The following NRSN1 variants were observed in gnomAD, a reference collection of about 807,000 sequenced individuals.
The protein encoded by NRSN1 is neurensin-1.
In NRSN1, 14 loss-of-function variants were observed where a neutral mutation model predicts 17.3. That is an observed-to-expected ratio of 0.81 (90% CI 0.54 to 1.27). NRSN1 has a LOEUF of 1.27. NRSN1 is among the 50% of genes most tolerant of loss of function. NRSN1 has a pLI of 0.00. For missense variants in NRSN1, 209 were observed against 235.9 expected, an observed-to-expected ratio of 0.89 and a Z score of 0.75; for synonymous variants, 79 against 94.2, an observed-to-expected ratio of 0.84 and a Z score of 0.93.
At chr6:24,140,292 G>C (rs1760182837) in intron 3 of NRSN1, among the ~76,000 whole-genome samples, 1 of 152,260 alleles carries the variant, frequency 6.6e-6, no homozygotes, top group South Asian at 2.1e-4. Flanking sequence ...GAAGATGGAG[G>C]CAGTTGAATG....
intron 1 of NRSN1, among the ~76,000 whole-genome samples, chr6:24,127,405 G>A (rs1759965356): frequency 6.6e-6 from 1 of 152,128 alleles, no homozygotes; most frequent in African/African-American, 2.4e-5. Context: ...CAAACAAATG[G>A]GGACCTGTTC....
Position 24,145,598 on chromosome 6 carries a change from G to C in NRSN1, c.240G>C (p.Leu80=). The C allele has an allele frequency of 1.2e-6, 2 of 1,611,954 alleles. No individual in the cohort carries two copies. The highest frequency in any genetic ancestry group is 1.7e-6 in the Non-Finnish European group (2 of 1,178,806). ...TTGTGATCCTCGGATTGACTGTTCT[G>C]GCAGTGGGCTTTCTTGTGCCCCCCA... ...TVFVILGLTV[L]AVGFLVPPKI... is the part of the protein sequence containing the mutation. The change falls in exon 4 of 4, where the codon CTG becomes CTC. Residue 80 remains leucine, a synonymous_variant. Coordinates refer to ENST00000378491, the MANE Select transcript of NRSN1 (RefSeq NM_080723.5). This position sits in a 1 kb window ranked among gnomAD's most constrained non-coding sequence, Gnocchi z 4.4.
intron 2 of NRSN1, chr6:24,129,527 T>C (rs1759997155): frequency 2.0e-5 from 3 of 152,112 alleles, no homozygotes; most frequent in African/African-American, 7.2e-5. Context: ...AAACCACACA[T>C]AGAATATCAG....
rs796089241 is a variant in NRSN1, at chr6:24,134,383, G to A, written c.56G>A (p.Gly19Asp). Reference sequence around the variant, plus strand: ...AGGCAGGCACAGGCTGCAGCTGAGGGTGGTTACCAGCGCTATGGAGTCCGG... The same window carrying A: ...AGGCAGGCACAGGCTGCAGCTGAGGATGGTTACCAGCGCTATGGAGTCCGG... ...GSRQAQAAAE[G>D]GYQRYGVRSY... is the part of the protein sequence containing the mutation. The change falls in exon 3 of 4, where the codon GGT becomes GAT. Residue 19 changes from glycine to aspartate, a missense_variant. Gly to Asp is a moderately conservative substitution (Grantham distance 94). Coordinates refer to ENST00000378491, the MANE Select transcript of NRSN1 (RefSeq NM_080723.5). The A allele has an allele frequency of 1.9e-6, 3 of 1,614,154 alleles. No individual in the cohort carries two copies. Among genetic ancestry groups the A allele is most frequent in the Non-Finnish European group, 2.5e-6 (3 of 1,180,036 alleles).
At chr6:24,142,880 G>A (rs749148866) in intron 3 of NRSN1, among the ~76,000 whole-genome samples, 19 of 152,264 alleles carry the variant, frequency 1.2e-4, no homozygotes, top group Middle Eastern at 3.4e-3. Flanking sequence ...CTACTGGCGC[G>A]GGTGGCCAGC....
chr6:24,142,766 T>G (rs751960692), intron 3 of NRSN1, among the ~76,000 whole-genome samples: 2 of 152,106 alleles, frequency 1.3e-5, no homozygotes, highest in Non-Finnish European at 2.9e-5. Flanking sequence ...GTGTTACAAC[T>G]CATAAAGGTA....
chr6:24,134,354 G>C lies in NRSN1; in HGVS notation c.27G>C (p.Gly9=), dbSNP rs771494990. The change falls in exon 3 of 4, where the codon GGG becomes GGC. Residue 9 remains glycine, a synonymous_variant. Transcript: ENST00000378491. The part of the protein sequence containing the change: MSSCSNVC[G]SRQAQAAAEG... ...TGAGTTCTTGCAGCAACGTCTGTGG[G>C]TCCAGGCAGGCACAGGCTGCAGCTG... 4.2e-5 allele frequency: 67 copies of C among 1,613,970 alleles called. No individual in the cohort carries two copies. The highest frequency in any genetic ancestry group is 1.6e-4 in the Middle Eastern group (1 of 6,080).
rs187222715 is a variant in NRSN1 at position 24,137,354 on chromosome 6, C to T, written c.189+2838C>T. On this transcript the variant is annotated intron_variant, in intron 3 of 3. Transcript: ENST00000378491. ...TTCAAATGTGTAGCTGTCCAACATT[C>T]ACCAGGCTCTGGGATTCTGATGTAA... 4.1e-3 allele frequency among the ~76,000 whole-genome samples: 623 copies of T among 152,308 alleles called. 5 individuals are homozygous for T. The highest frequency in any genetic ancestry group is 0.014 in the African/African-American group (592 of 41,564).
chr6:24,142,007 A>G (rs1432718110), intron 3 of NRSN1, among the ~76,000 whole-genome samples: 2 of 152,162 alleles, frequency 1.3e-5, no homozygotes, highest in African/African-American at 4.8e-5. Context: ...GGATAGTTAA[A>G]TCAATTTTGC....
chr6:24,142,058 A>G (rs1316494680), intron 3 of NRSN1, among the ~76,000 whole-genome samples: 2 of 152,212 alleles, frequency 1.3e-5, no homozygotes, highest in African/African-American at 4.8e-5. Flanking sequence ...ATTTTCTAAA[A>G]GTTATAAATA....
At position 24,147,348 on chromosome 6, in the gene NRSN1, C is replaced by T. The variant is rs1211421960; in HGVS notation, c.*1402C>T. On this transcript the variant is annotated 3_prime_UTR_variant, in exon 4 of 4. Coordinates refer to ENST00000378491, the MANE Select transcript of NRSN1 (RefSeq NM_080723.5). ...TCTTAAAATTGTGCCACCTTAGAGC[C>T]CCCCCCCTTTTTTTTTTCTTCCTTC... 8.3e-6 allele frequency: 1 copy of T among 120,072 alleles called. No individual in the cohort carries two copies. The highest frequency in any genetic ancestry group is 2.9e-5 in the African/African-American group (1 of 34,784). The allele number at this position is 120,072 out of a possible 1,614,324, so 7.4% of individuals were successfully genotyped here. A position where few individuals can be genotyped will look rare whatever the true frequency, so the allele number is the denominator to read the frequency against.
intron 3 of NRSN1, among the ~76,000 whole-genome samples, chr6:24,143,407 G>T (rs1760253192): frequency 6.6e-6 from 1 of 152,142 alleles, no homozygotes; most frequent in African/African-American, 2.4e-5. Flanking sequence ...AACACATCTA[G>T]CATTAGTGCA....
chr6:24,141,444 G>A (rs1760202598), intron 3 of NRSN1: 2 of 237,020 alleles, frequency 8.4e-6, no homozygotes, highest in Non-Finnish European at 1.5e-5. Context: ...GTTTTAACAT[G>A]TCTGGAATTC....
At chr6:24,135,147 G>A (rs755884005) in intron 3 of NRSN1, among the ~76,000 whole-genome samples, 23 of 152,198 alleles carry the variant, frequency 1.5e-4, no homozygotes, top group Non-Finnish European at 2.8e-4. Flanking sequence ...TTCCCTCATG[G>A]AGCTTACAAT....
At chr6:24,134,273 T>C in intron 2 of NRSN1, 46 bp from the exon 3 acceptor site, 2 of 1,505,512 alleles carry the variant, frequency 1.3e-6, no homozygotes, top group Non-Finnish European at 1.8e-6. Flanking sequence ...TTTGATCCTG[T>C]GGCCAAAGCC....
At position 24,145,455 on chromosome 6, in the gene NRSN1, C is replaced by A; in HGVS notation, c.190-93C>A. 1.1e-6 allele frequency: 1 copy of A among 929,746 alleles called. No individual in the cohort carries two copies. Among genetic ancestry groups the A allele is most frequent in the Non-Finnish European group, 1.5e-6 (1 of 647,582 alleles). 57.6% of individuals were successfully genotyped at this position (929,746 alleles called of 1,614,324 possible). Reference sequence around the variant, plus strand: ...GGTAACTGGGAATATTCATTTCTCTCAAGAAACAAGACAAGTGCTGCCCTT... The same window carrying A: ...GGTAACTGGGAATATTCATTTCTCTAAAGAAACAAGACAAGTGCTGCCCTT... On this transcript the variant is annotated intron_variant, in intron 3 of 3. Transcript: ENST00000378491. The surrounding 1 kb of genome is among the most constrained non-coding windows in gnomAD (Gnocchi z 4.4).
intron 3 of NRSN1, among the ~76,000 whole-genome samples, chr6:24,139,366 A>G (rs941184892): frequency 6.6e-6 from 1 of 152,242 alleles, no homozygotes; most frequent in African/African-American, 2.4e-5. Flanking sequence ...TGATCCAGGC[A>G]AGATATAATA....
intron 3 of NRSN1, among the ~76,000 whole-genome samples, chr6:24,137,788 T>C (rs1440279283): frequency 1.3e-5 from 2 of 152,020 alleles, no homozygotes; most frequent in African/African-American, 4.8e-5. Context: ...GGCACAATAC[T>C]TACTGGGAGC....
At chr6:24,143,187 G>C (rs1345065119) in intron 3 of NRSN1, among the ~76,000 whole-genome samples, 20 of 152,234 alleles carry the variant, frequency 1.3e-4, no homozygotes, top group East Asian at 3.9e-4. Flanking sequence ...ACCCGACCCA[G>C]AAGCCCAGCC....
Sources: gnomAD v4.1 joint callset for allele counts (sites outside exome capture counted in the v4.1 genomes callset) on GRCh38, gnomAD v4.1.1 for gene constraint, Gnocchi (gnomAD v3.1) non-coding constraint, MANE v1.5 for transcripts, NCBI Gene and HGNC (gene_info 2026-07-23, HGNC 2026-07-21) for gene names.